Variants in TMEM132C observed in about 807,000 individuals in gnomAD.
TMEM132C encodes protein phosphatase 1, regulatory subunit 152.
A neutral mutation model predicts 61.4 loss-of-function variants in TMEM132C; 29 were observed. The observed-to-expected ratio is 0.47, with a 90% CI of 0.35 to 0.64. The LOEUF (loss-of-function observed/expected upper bound fraction) is 0.64, where lower values mean the gene tolerates loss of function less well. Among genes scored for constraint, TMEM132C ranks in the 30% least tolerant of loss-of-function variants. The pLI, the probability that TMEM132C is intolerant of heterozygous loss-of-function variation, is 0.00. For missense variants in TMEM132C, 1,408 were observed against 1,476.9 expected (o/e 0.95, Z 0.76); for synonymous variants, 656 against 633.1 (o/e 1.04, Z -0.54).
chr12:128,417,995 C>T (rs1299838605), intron 2 of TMEM132C, among the ~76,000 whole-genome samples: 4 of 152,004 alleles, frequency 2.6e-5, no homozygotes, highest in Non-Finnish European at 5.9e-5. Context: ...CTGCTTGGTG[C>T]CGTGGAGCGC....
chr12:128,442,722 G>T (rs1869839195), intron 2 of TMEM132C, among the ~76,000 whole-genome samples: 1 of 152,004 alleles, frequency 6.6e-6, no homozygotes, highest in Non-Finnish European at 1.5e-5. Flanking sequence ...AAAAATTAAG[G>T]TGAAATTCAC....
rs544240757 is a variant in TMEM132C at position 128,584,799 on chromosome 12, C to CG, written c.1122-31347dup. Among the ~76,000 whole-genome samples the CG allele has an allele frequency of 4.6e-5, 7 of 152,222 alleles. No individual in the cohort carries two copies. The South Asian group carries it at 1.0e-3, about 23-fold the overall frequency. On this transcript the variant is annotated intron_variant, in intron 3 of 8. Transcript: ENST00000435159. ...GCTGGGTGCTCCACTGGGCGAGGGC[C>CG]GGGGGGTCTTTGCTGTCCTCCACAT...
At chr12:128,354,668 C>A (rs1023557617) in intron 1 of TMEM132C, among the ~76,000 whole-genome samples, 7 of 152,040 alleles carry the variant, frequency 4.6e-5, no homozygotes, top group African/African-American at 1.5e-4. Context: ...CCTTCCTAGA[C>A]AATTTAAGGG....
intron 1 of TMEM132C, among the ~76,000 whole-genome samples, chr12:128,298,635 C>T (rs953228549): frequency 1.8e-4 from 27 of 152,212 alleles, no homozygotes; most frequent in Admixed American, 1.7e-3. Context: ...AGACACTAAA[C>T]TGTGCCATCA....
chr12:128,269,138 C>G (rs894852975), intron 1 of TMEM132C, among the ~76,000 whole-genome samples: 1 of 152,070 alleles, frequency 6.6e-6, no homozygotes, highest in Non-Finnish European at 1.5e-5. Flanking sequence ...TGAAGAATTC[C>G]CTTCCCAACC....
chr12:128,346,471 AT>A (rs1873163517), intron 1 of TMEM132C, among the ~76,000 whole-genome samples: 1 of 152,226 alleles, frequency 6.6e-6, no homozygotes, highest in Non-Finnish European at 1.5e-5. Flanking sequence ...TAGGAATACC[AT>A]TGAATCTATA....
In TMEM132C at chr12:128,322,931, A is replaced by C. The variant is rs191734611; in HGVS notation, c.85+55444A>C. On this transcript the variant is annotated intron_variant, in intron 1 of 8. Transcript: ENST00000435159. ...GATTAAATATGCAATATTATTATGTAAAAGAAGGCAGAACCCATGCATTCA... is the reference window on the plus strand; with the variant it reads ...GATTAAATATGCAATATTATTATGTCAAAGAAGGCAGAACCCATGCATTCA... 2.9e-3 allele frequency among the ~76,000 whole-genome samples: 439 copies of C among 152,310 alleles called. 5 individuals carry two copies. The highest frequency in any genetic ancestry group is 9.6e-3 in the African/African-American group (399 of 41,562).
intron 3 of TMEM132C, among the ~76,000 whole-genome samples, chr12:128,577,171 C>T (rs1593106200): frequency 1.3e-5 from 2 of 152,196 alleles, no homozygotes; most frequent in East Asian, 3.8e-4. Context: ...TACATGGAAT[C>T]ATAAAATATG....
At chr12:128,503,133 C>T (rs1872237776) in intron 2 of TMEM132C, among the ~76,000 whole-genome samples, 1 of 151,824 alleles carries the variant, frequency 6.6e-6, no homozygotes. Flanking sequence ...ATGCTCTCCA[C>T]CTTTAAATAA....
intron 3 of TMEM132C, among the ~76,000 whole-genome samples, chr12:128,552,636 C>T (rs182001030): frequency 1.5e-4 from 23 of 152,278 alleles, no homozygotes; most frequent in African/African-American, 4.1e-4. Flanking sequence ...TGGCCAGGTG[C>T]GATGGCTCAC....
intron 1 of TMEM132C, among the ~76,000 whole-genome samples, chr12:128,298,601 A>T (rs947085001): frequency 6.6e-6 from 1 of 152,158 alleles, no homozygotes; most frequent in African/African-American, 2.4e-5. Flanking sequence ...TCCTGTGGGT[A>T]ACTGCCTGCA....
intron 1 of TMEM132C, among the ~76,000 whole-genome samples, chr12:128,289,353 C>A (rs1347809877): frequency 6.6e-6 from 1 of 152,162 alleles, no homozygotes; most frequent in Non-Finnish European, 1.5e-5. Context: ...TTTTTAAGAA[C>A]AAGGGAATCT....
intron 1 of TMEM132C, among the ~76,000 whole-genome samples, chr12:128,270,098 T>G (rs1870460960): frequency 6.6e-6 from 1 of 152,120 alleles, no homozygotes; most frequent in Non-Finnish European, 1.5e-5. Context: ...TAGAGGTTGA[T>G]GTATTGCGCC....
At chr12:128,667,678 A>G (rs1343188547) in intron 4 of TMEM132C, among the ~76,000 whole-genome samples, 1 of 152,242 alleles carries the variant, frequency 6.6e-6, no homozygotes, top group Non-Finnish European at 1.5e-5. Context: ...TGTTTCTGGA[A>G]AGGGACTTTG....
At chr12:128,602,177 G>A (rs1876218838) in intron 3 of TMEM132C, among the ~76,000 whole-genome samples, 1 of 152,226 alleles carries the variant, frequency 6.6e-6, no homozygotes, top group South Asian at 2.1e-4. Context: ...CCAGTGTGCT[G>A]CAGCCCGGAC....
At chr12:128,510,505 C>T (rs1337279682) in intron 2 of TMEM132C, among the ~76,000 whole-genome samples, 6 of 152,230 alleles carry the variant, frequency 3.9e-5, no homozygotes, top group Admixed American at 2.0e-4. Context: ...GCACCTAGAA[C>T]GGCGGGTCTG....
intron 3 of TMEM132C, among the ~76,000 whole-genome samples, chr12:128,583,805 C>G (rs1024987527): frequency 6.6e-6 from 1 of 152,234 alleles, no homozygotes; most frequent in Admixed American, 6.5e-5. Context: ...GTGCATGAAG[C>G]TGGCCTCCTT....
intron 2 of TMEM132C, among the ~76,000 whole-genome samples, chr12:128,421,809 T>G (rs1477246472): frequency 6.6e-6 from 1 of 152,160 alleles, no homozygotes; most frequent in East Asian, 1.9e-4. Context: ...CCAACAGAAA[T>G]GAAAAACACA....
At chr12:128,344,236 C>T (rs756001619) in intron 1 of TMEM132C, among the ~76,000 whole-genome samples, 2 of 152,194 alleles carry the variant, frequency 1.3e-5, no homozygotes, top group Non-Finnish European at 2.9e-5. Flanking sequence ...AGGCTCACGG[C>T]AAGCTCCGCC....
Sources: gnomAD v4.1 joint callset for allele counts (sites outside exome capture counted in the v4.1 genomes callset) on GRCh38, gnomAD v4.1.1 for gene constraint, MANE v1.5 for transcripts, NCBI Gene and HGNC (gene_info 2026-07-23, HGNC 2026-07-21) for gene names.